HERC1: variants seen among roughly 807,000 people sequenced by gnomAD.
HERC1 encodes the protein HECT and RLD domain containing E3 ubiquitin protein ligase family member 1.
Under a neutral mutation model 554.3 loss-of-function variants are expected in HERC1, and 160 were observed. The observed-to-expected ratio is 0.29, with a 90% CI of 0.25 to 0.33. The LOEUF is 0.33. HERC1 is among the 10% of genes least tolerant of loss of function. HERC1 has a pLI of 1.00. For missense variants in HERC1, 4,919 were observed against 5,918.5 expected (o/e 0.83, Z 5.54); for synonymous variants, 2,175 against 2,131.7 (o/e 1.02, Z -0.56).
chr15:63,758,303 C>T lies in HERC1; in HGVS notation c.1093G>A (p.Ala365Thr), dbSNP rs1462967503. The change falls in exon 4 of 78, where the codon GCT becomes ACT. Residue 365 changes from alanine to threonine, a missense_variant. Ala to Thr is a moderately conservative substitution (Grantham distance 58). Around this residue, in one of 11 missense-constraint regions of HERC1, gnomAD observed 744 missense variants for 1,090.0 expected, o/e 0.68. Transcript: ENST00000443617. This position sits in a 1 kb window ranked among gnomAD's most constrained non-coding sequence, Gnocchi z 4.0. ...TCACAGGTTTCGGAGACAATGGGAGCATCACCAGTCTGAATGCTATCTGGG... is the reference window on the plus strand; with the variant it reads ...TCACAGGTTTCGGAGACAATGGGAGTATCACCAGTCTGAATGCTATCTGGG... Reference protein sequence around the residue: ...ASPDSIQTGDAPIVSETCEVY... With the variant: ...ASPDSIQTGDTPIVSETCEVY... 6.2e-7 allele frequency: 1 copy of T among 1,613,450 alleles called. No homozygotes were observed. Among genetic ancestry groups the T allele is most frequent in the Admixed American group, 1.7e-5 (1 of 60,016 alleles).
chr15:63,764,219 C>T (rs776747334), intron 2 of HERC1, 28 bp from the exon 3 acceptor site: 35 of 1,482,780 alleles, frequency 2.4e-5, no homozygotes, highest in African/African-American at 1.4e-4. Context: ...CGGGACACAG[C>T]GTAGGAAGGG....
intron 33 of HERC1, among the ~76,000 whole-genome samples, chr15:63,687,452 C>G (rs951132462): frequency 2.0e-5 from 3 of 151,880 alleles, no homozygotes; most frequent in African/African-American, 7.3e-5. Context: ...ACAGAAGAAT[C>G]GCTTGAACCG....
At chr15:63,628,567 T>A in intron 70 of HERC1, 110 bp downstream of exon 70, 1 of 1,157,442 alleles carries the variant, frequency 8.6e-7, no homozygotes, top group Non-Finnish European at 1.2e-6. Context: ...GCAGAAGGCT[T>A]GATGGTTTCA....
At chr15:63,619,325 C>G (rs904781207) in intron 74 of HERC1, among the ~76,000 whole-genome samples, 6 of 152,208 alleles carry the variant, frequency 3.9e-5, no homozygotes, top group African/African-American at 1.4e-4. Flanking sequence ...TTGAACCAGC[C>G]TTGCATCCCA....
intron 47 of HERC1, among the ~76,000 whole-genome samples, 171 bp downstream of exon 47, chr15:63,659,565 C>T (rs1414685978): frequency 6.6e-6 from 1 of 152,078 alleles, no homozygotes; most frequent in Non-Finnish European, 1.5e-5. Context: ...AACTTAATAC[C>T]ACATTATACC....
chr15:63,643,588 A>G, intron 57 of HERC1, 38 bp from the exon 58 acceptor site: 2 of 1,424,288 alleles, frequency 1.4e-6, no homozygotes, highest in Non-Finnish European at 1.9e-6. Flanking sequence ...TAAAATAAAG[A>G]TAAATTATAT....
Position 63,692,726 on chromosome 15 carries a change from G to A in HERC1, c.5675-160C>T, listed in dbSNP as rs960660893. 1.3e-5 allele frequency among the ~76,000 whole-genome samples: 2 copies of A among 152,138 alleles called. No homozygotes were observed. The highest frequency in any genetic ancestry group is 2.9e-5 in the Non-Finnish European group (2 of 68,028). On this transcript the variant is annotated intron_variant, in intron 30 of 77. Coordinates refer to ENST00000443617, the MANE Select transcript of HERC1 (RefSeq NM_003922.4). This position sits in a 1 kb window ranked among gnomAD's most constrained non-coding sequence, Gnocchi z 4.7. ...AAACTTAAAGAACAGAATGGGGAAA[G>A]GTCAGAAAACAAAGCCTAAACTTGA...
In HERC1 at chr15:63,612,242, C is replaced by T. The variant is rs761748895; in HGVS notation, c.14400+9G>A. ...GACATTACAAAGGAAAAAAGAATAG[C>T]TTACTTACCCTATCAACCTTCATGA... On this transcript the variant is annotated intron_variant, in intron 77 of 77. Coordinates refer to ENST00000443617, the MANE Select transcript of HERC1 (RefSeq NM_003922.4). The surrounding 1 kb of genome is among the most constrained non-coding windows in gnomAD (Gnocchi z 5.0). 3 of 1,590,802 alleles carry T rather than the reference C, an allele frequency of 1.9e-6. No homozygotes were observed. The South Asian group carries it at 3.4e-5, about 18-fold the overall frequency.
At chr15:63,664,626 T>A (rs1376739760) in intron 42 of HERC1, 32 bp from the exon 43 acceptor site, 3 of 1,598,312 alleles carry the variant, frequency 1.9e-6, no homozygotes, top group Non-Finnish European at 2.6e-6. Flanking sequence ...CAACACAAAG[T>A]TTTTGAAACC....
chr15:63,615,739 T>C, intron 76 of HERC1, 29 bp downstream of exon 76: 2 of 1,550,234 alleles, frequency 1.3e-6, no homozygotes, highest in South Asian at 2.5e-5. Context: ...CAAGCATTCA[T>C]GTGTACCTCC....
intron 1 of HERC1, among the ~76,000 whole-genome samples, chr15:63,801,600 T>C (rs1050049307): frequency 5.9e-5 from 9 of 152,228 alleles, no homozygotes; most frequent in African/African-American, 2.2e-4. Flanking sequence ...TTTATTAGCA[T>C]AGGTAAAGCA....
Position 63,749,419 on chromosome 15 carries a change from T to C in HERC1, c.2167A>G (p.Ile723Val). 1 of 1,613,794 alleles carries C rather than the reference T, an allele frequency of 6.2e-7. No individual in the cohort carries two copies. The highest frequency in any genetic ancestry group is 8.5e-7 in the Non-Finnish European group (1 of 1,179,778). ...SGLDGIAIQQ[I>V]SAGTSHSLAW... The stretch of plus-strand genomic sequence containing the variant: ...AGACTATGTGATGTTCCAGCCGAAA[T>C]CTGCTGAATAGCTATGCCATCTAAG... The change falls in exon 10 of 78, where the codon ATT becomes GTT. Residue 723 changes from isoleucine (I) to valine (V), a missense_variant. Ile to Val is a conservative substitution (Grantham distance 29). Around this residue, in one of 11 missense-constraint regions of HERC1, gnomAD observed 744 missense variants for 1,090.0 expected, o/e 0.68. Transcript: ENST00000443617. The surrounding 1 kb of genome is among the most constrained non-coding windows in gnomAD (Gnocchi z 4.1).
At position 63,727,756 on chromosome 15, in the gene HERC1, C is replaced by T; in HGVS notation, c.3237G>A (p.Arg1079=). Residue 1079 remains arginine (R), a synonymous_variant, in exon 17 of 78, where the codon CGG becomes CGA. Coordinates refer to ENST00000443617, the MANE Select transcript of HERC1 (RefSeq NM_003922.4). This position sits in a 1 kb window ranked among gnomAD's most constrained non-coding sequence, Gnocchi z 4.3. ...SLLLLPVSVA[R]PLLSYLLDLL... ...AGTCGAGGAGGTAACTCAATAAAGG[C>T]CGAGCCACTGACACAGGGAGTAACA... is the stretch of plus-strand genomic sequence containing the variant. 1.2e-6 allele frequency: 2 copies of T among 1,613,850 alleles called. No homozygotes were observed. The highest frequency in any genetic ancestry group is 1.7e-6 in the Non-Finnish European group (2 of 1,179,804).
At chr15:63,725,764 C>T (rs979159446) in intron 17 of HERC1, among the ~76,000 whole-genome samples, 30 of 152,148 alleles carry the variant, frequency 2.0e-4, no homozygotes, top group African/African-American at 6.5e-4. Context: ...ATTAAAACAA[C>T]ATATGACAAC....
At chr15:63,634,190 A>G (rs1314805597) in intron 66 of HERC1, among the ~76,000 whole-genome samples, 1 of 152,260 alleles carries the variant, frequency 6.6e-6, no homozygotes, top group African/African-American at 2.4e-5. Flanking sequence ...AAATCCTTCA[A>G]ATGTCTGTGG....
intron 12 of HERC1, among the ~76,000 whole-genome samples, chr15:63,740,977 T>C (rs7181265): frequency 0.012 from 1,837 of 152,276 alleles, 38 homozygotes; most frequent in African/African-American, 0.043. Flanking sequence ...ATGTCATAGC[T>C]AAGAAACCAT....
intron 12 of HERC1, among the ~76,000 whole-genome samples, chr15:63,738,256 G>A (rs911803239): frequency 6.6e-6 from 1 of 152,200 alleles, no homozygotes; most frequent in Non-Finnish European, 1.5e-5. Flanking sequence ...GCTCGTGAAA[G>A]ACAAAGAAAG....
chr15:63,649,223 A>T (rs1324067437), intron 54 of HERC1, among the ~76,000 whole-genome samples: 1 of 151,978 alleles, frequency 6.6e-6, no homozygotes, highest in Non-Finnish European at 1.5e-5. Context: ...CGTGGTGGCG[A>T]GTGCCTGTAA....
chr15:63,762,577 G>C (rs549971808), intron 3 of HERC1, among the ~76,000 whole-genome samples: 1 of 152,084 alleles, frequency 6.6e-6, no homozygotes, highest in East Asian at 1.9e-4. Context: ...CACCCACCTC[G>C]GCCTCCCAAA....
Sources: gnomAD v4.1 joint callset for allele counts (sites outside exome capture counted in the v4.1 genomes callset) on GRCh38, gnomAD v4.1.1 for gene constraint, gnomAD v4.1.1 regional missense constraint, Gnocchi (gnomAD v3.1) non-coding constraint, MANE v1.5 for transcripts, NCBI Gene and HGNC (gene_info 2026-07-23, HGNC 2026-07-21) for gene names.